PTER: variants seen among roughly 807,000 people sequenced by gnomAD.
PTER encodes the protein N-acetyltaurine hydrolase.
A neutral mutation model predicts 29.6 loss-of-function variants in PTER; 38 were observed. That is an observed-to-expected ratio of 1.28 (90% CI 0.99 to 1.68). The LOEUF (loss-of-function observed/expected upper bound fraction) is 1.68. Ranked by LOEUF, PTER falls within the 40% of genes most tolerant of loss-of-function variation. The pLI, the probability that PTER is intolerant of heterozygous loss-of-function variation, is 0.00. For synonymous variants in PTER, 172 were observed against 154.5 expected (o/e 1.11, Z -0.84); for missense variants, 482 against 427.8 (o/e 1.13, Z -1.12).
intron 1 of PTER, among the ~76,000 whole-genome samples, chr10:16,472,260 T>C (rs1286113660): frequency 6.6e-6 from 1 of 152,252 alleles, no homozygotes; most frequent in African/African-American, 2.4e-5. Context: ...ATATTATTTT[T>C]ATGATTTAGC....
chr10:16,491,904 T>C (rs531080343), intron 3 of PTER, among the ~76,000 whole-genome samples: 6 of 152,264 alleles, frequency 3.9e-5, no homozygotes, highest in Non-Finnish European at 2.9e-5. Flanking sequence ...TTTGAAGATA[T>C]ACAATCTTCA....
At chr10:16,503,368 A>G (rs1189519779) in intron 3 of PTER, among the ~76,000 whole-genome samples, 2 of 151,902 alleles carry the variant, frequency 1.3e-5, no homozygotes, top group Non-Finnish European at 2.9e-5. Flanking sequence ...CTGGGATTAC[A>G]GGTGCCTGCC....
chr10:16,518,193 T>G (rs950626748), downstream of PTER, among the ~76,000 whole-genome samples: 30 of 152,290 alleles, frequency 2.0e-4, no homozygotes, highest in African/African-American at 6.7e-4. Context: ...TAAAAAGATT[T>G]TAAAAGATTT....
intron 1 of PTER, among the ~76,000 whole-genome samples, chr10:16,463,216 A>AAT (rs1834686753): frequency 3.3e-5 from 5 of 150,892 alleles, no homozygotes; most frequent in Admixed American, 3.3e-4. Context: ...AAAAAAAAAA[A>AAT]AAAAAATACT....
chr10:16,487,147 G>T (rs534260584), intron 3 of PTER, among the ~76,000 whole-genome samples: 1 of 152,192 alleles, frequency 6.6e-6, no homozygotes, highest in African/African-American at 2.4e-5. Context: ...AATAAGTATA[G>T]CATGTGTTGG....
Position 16,484,743 on chromosome 10 carries a change from A to G in PTER, c.359A>G (p.His120Arg), listed in dbSNP as rs756304023. 7.4e-6 allele frequency: 12 copies of G among 1,613,944 alleles called. No homozygotes were observed. The highest frequency in any genetic ancestry group is 5.0e-5 in the Admixed American group (3 of 59,958). The change falls in exon 2 of 5, where the codon CAT becomes CGT. Residue 120 changes from histidine to arginine, a missense_variant. Transcript: ENST00000535784. ...LKRLAEETGV[H>R]IISGAGFYVD... ...AGGCTTGCAGAAGAGACTGGCGTCC[A>G]TATCATATCTGGAGCCGGGTTTTAT...
intron 3 of PTER, among the ~76,000 whole-genome samples, chr10:16,488,617 A>T (rs1835788767): frequency 6.6e-6 from 1 of 151,480 alleles, no homozygotes; most frequent in Admixed American, 6.6e-5. Context: ...AGAGAGAGAG[A>T]GAGAGAGAGA....
intron 1 of PTER, among the ~76,000 whole-genome samples, chr10:16,453,526 C>T (rs1180308779): frequency 6.6e-6 from 1 of 152,126 alleles, no homozygotes; most frequent in Non-Finnish European, 1.5e-5. Flanking sequence ...TATTCTTACT[C>T]ACAAGCAGTA....
chr10:16,479,157 C>T (rs183242125), intron 1 of PTER, among the ~76,000 whole-genome samples: 2 of 151,954 alleles, frequency 1.3e-5, no homozygotes, highest in East Asian at 3.9e-4. Flanking sequence ...TCATTTGTGT[C>T]TCTGAGCAGT....
chr10:16,478,328 C>G (rs904684458), intron 1 of PTER, among the ~76,000 whole-genome samples: 1 of 138,190 alleles, frequency 7.2e-6, no homozygotes, highest in Non-Finnish European at 1.5e-5. Context: ...TTTCCTCCCT[C>G]GTTTCCGTTT....
At chr10:16,463,809 C>G (rs1008423548) in intron 1 of PTER, among the ~76,000 whole-genome samples, 2 of 152,164 alleles carry the variant, frequency 1.3e-5, no homozygotes, top group Non-Finnish European at 2.9e-5. Context: ...GGTTGTTATA[C>G]TATTTTTAAA....
intron 3 of PTER, among the ~76,000 whole-genome samples, chr10:16,494,831 A>C (rs1168175227): frequency 6.6e-6 from 1 of 152,242 alleles, no homozygotes; most frequent in Admixed American, 6.5e-5. Flanking sequence ...TCAATTAAGA[A>C]TTTCTCAGCT....
chr10:16,450,322 G>GC (rs1834160035), intron 1 of PTER, among the ~76,000 whole-genome samples: 1 of 152,168 alleles, frequency 6.6e-6, no homozygotes, highest in African/African-American at 2.4e-5. Context: ...CTCAGGTAGT[G>GC]CATGGTTAAT....
At chr10:16,446,723 T>G (rs1456581843) in intron 1 of PTER, among the ~76,000 whole-genome samples, 1 of 152,206 alleles carries the variant, frequency 6.6e-6, no homozygotes, top group Non-Finnish European at 1.5e-5. Flanking sequence ...TTCTTAATTC[T>G]TTCTTTTCTA....
chr10:16,456,867 G>GC (rs1834419114), intron 1 of PTER, among the ~76,000 whole-genome samples: 1 of 148,964 alleles, frequency 6.7e-6, no homozygotes, highest in Non-Finnish European at 1.5e-5. Flanking sequence ...GAAGGTGGGG[G>GC]GGGGTTCCGC....
chr10:16,484,841 G>A (rs2275731), intron 2 of PTER, 25 bp downstream of exon 2: 588,933 of 1,553,600 alleles, frequency 0.38, 112,982 homozygotes, highest in Middle Eastern at 0.6. Flanking sequence ...TTCTTTGACA[G>A]TATTTGTTCA....
intron 1 of PTER, chr10:16,437,372 C>G (rs991694611): frequency 6.8e-6 from 1 of 148,004 alleles, no homozygotes; most frequent in Non-Finnish European, 1.5e-5. Flanking sequence ...GGGTCTGGCT[C>G]TGCTTCCCAG....
intron 2 of PTER, among the ~76,000 whole-genome samples, chr10:16,485,176 T>C (rs1588616394): frequency 6.6e-6 from 1 of 152,324 alleles, no homozygotes; most frequent in East Asian, 1.9e-4. Flanking sequence ...CCATCTTAAG[T>C]TATGCTACCT....
rs144079173 is a variant in PTER, at chr10:16,497,004, G to A, written c.699-8016G>A. On this transcript the variant is annotated intron_variant, in intron 3 of 4. Transcript: ENST00000535784. ...GGCTGGAATGCAGTTGCGCGATCTCGGCTCACTGCAGCCTTTGCCTCCTGG... is the reference window on the plus strand; with the variant it reads ...GGCTGGAATGCAGTTGCGCGATCTCAGCTCACTGCAGCCTTTGCCTCCTGG... 4.7e-5 allele frequency among the ~76,000 whole-genome samples: 7 copies of A among 149,044 alleles called. No homozygotes were observed. The East Asian group carries it at 9.9e-4, about 21-fold the overall frequency.
Sources: gnomAD v4.1 joint callset for allele counts (sites outside exome capture counted in the v4.1 genomes callset) on GRCh38, gnomAD v4.1.1 for gene constraint, MANE v1.5 for transcripts, NCBI Gene and HGNC (gene_info 2026-07-23, HGNC 2026-07-21) for gene names.